Variants in ANO3 observed in about 807,000 individuals in gnomAD.
ANO3 encodes the protein anoctamin 3.
ANO3 carries 99 observed loss-of-function variants against 144.8 expected under a neutral mutation model. That is an observed-to-expected ratio of 0.68 (90% confidence interval 0.58 to 0.81). The LOEUF (loss-of-function observed/expected upper bound fraction) is 0.81. Among genes scored for constraint, ANO3 ranks in the 30% least tolerant of loss-of-function variants. ANO3 has a pLI of 0.00. For synonymous variants in ANO3, 414 were observed against 392.6 expected (o/e 1.05, Z -0.64); for missense variants, 905 against 1,202.2 (o/e 0.75, Z 3.66).
At chr11:26,317,353 A>G (rs531078098) in intron 1 of ANO3, among the ~76,000 whole-genome samples, 1 of 152,234 alleles carries the variant, frequency 6.6e-6, no homozygotes, top group South Asian at 2.1e-4. Context: ...AATTTTTGCA[A>G]TCTATCCATC....
chr11:26,365,605 G>A (rs763621549), intron 1 of ANO3, among the ~76,000 whole-genome samples: 8 of 152,122 alleles, frequency 5.3e-5, no homozygotes, highest in Non-Finnish European at 1.0e-4. Flanking sequence ...TAAAACCATG[G>A]GGAAGCCACC....
At chr11:26,576,337 TTAG>T (rs1283716976) in intron 14 of ANO3, among the ~76,000 whole-genome samples, 1 of 152,202 alleles carries the variant, frequency 6.6e-6, no homozygotes, top group Non-Finnish European at 1.5e-5. Context: ...TACTGGACAC[TTAG>T]TAGTCAAACT....
At chr11:26,265,362 C>G (rs1189942770) in intron 1 of ANO3, among the ~76,000 whole-genome samples, 3 of 152,150 alleles carry the variant, frequency 2.0e-5, no homozygotes, top group Non-Finnish European at 4.4e-5. Context: ...CTCAGAGCTC[C>G]TTGAGGACAA....
intron 1 of ANO3, chr11:26,286,123 C>A (rs1853801619): frequency 6.6e-6 from 1 of 152,056 alleles, no homozygotes; most frequent in Non-Finnish European, 1.5e-5. Flanking sequence ...TTATTGTCTT[C>A]CATATGAAAA....
chr11:26,510,785 G>A (rs2134142007), intron 5 of ANO3, among the ~76,000 whole-genome samples: 2 of 152,266 alleles, frequency 1.3e-5, no homozygotes, highest in African/African-American at 4.8e-5. Context: ...AGAAAGCTCA[G>A]ATTCTCAGTT....
intron 1 of ANO3, among the ~76,000 whole-genome samples, chr11:26,358,177 T>TA (rs1261203532): frequency 1.8e-4 from 26 of 147,454 alleles, no homozygotes; most frequent in South Asian, 1.6e-3. Context: ...CAACTTTTTT[T>TA]TTTTTTTTTT....
At chr11:26,305,866 G>A (rs540230599), upstream of ANO3, among the ~76,000 whole-genome samples, 65 of 152,184 alleles carry the variant, frequency 4.3e-4, no homozygotes, top group African/African-American at 1.4e-3. Context: ...TCCATTGATA[G>A]CTCTTCACTG....
intron 4 of ANO3, among the ~76,000 whole-genome samples, chr11:26,499,169 C>A (rs964408148): frequency 3.3e-5 from 5 of 151,832 alleles, no homozygotes; most frequent in Non-Finnish European, 7.4e-5. Flanking sequence ...ACGAATTTCG[C>A]AGTTATTTAT....
At chr11:26,459,832 T>C (rs1440976091) in intron 3 of ANO3, among the ~76,000 whole-genome samples, 2 of 152,064 alleles carry the variant, frequency 1.3e-5, no homozygotes, top group African/African-American at 2.4e-5. Context: ...ACTCCTAGGG[T>C]TTTAGCCTGT....
intron 4 of ANO3, among the ~76,000 whole-genome samples, chr11:26,507,237 C>A (rs1228152217): frequency 1.3e-5 from 2 of 152,104 alleles, no homozygotes; most frequent in Non-Finnish European, 1.5e-5. Context: ...AATAAGAATA[C>A]CACACGGATA....
chr11:26,457,621 C>T (rs1012850765), intron 3 of ANO3, among the ~76,000 whole-genome samples: 6 of 152,064 alleles, frequency 3.9e-5, no homozygotes, highest in Admixed American at 1.3e-4. Flanking sequence ...TAAAGTCTAA[C>T]GTTAAAAAAC....
At chr11:26,387,171 A>C (rs1054775421) in intron 1 of ANO3, among the ~76,000 whole-genome samples, 1 of 136,542 alleles carries the variant, frequency 7.3e-6, no homozygotes, top group South Asian at 2.3e-4. Flanking sequence ...ACAGGGTTTC[A>C]CCATGTTGGC....
chr11:26,440,638 G>A (rs1858478770), intron 1 of ANO3, among the ~76,000 whole-genome samples: 1 of 152,140 alleles, frequency 6.6e-6, no homozygotes, highest in South Asian at 2.1e-4. Flanking sequence ...AAGAAGTTGT[G>A]GAAGAGAAAA....
At chr11:26,239,878 T>G (rs1018834055) in intron 1 of ANO3, among the ~76,000 whole-genome samples, 4 of 152,236 alleles carry the variant, frequency 2.6e-5, no homozygotes, top group African/African-American at 9.6e-5. Context: ...GAGTTTTCAG[T>G]GACAGATTAC....
chr11:26,474,183 A>T, intron 4 of ANO3: 1 of 840,188 alleles, frequency 1.2e-6, no homozygotes, highest in Non-Finnish European at 1.4e-6. Context: ...CTATTTTCTT[A>T]AACATATGTA....
At chr11:26,306,012 G>T, upstream of ANO3, among the ~76,000 whole-genome samples, 1 of 152,010 alleles carries the variant, frequency 6.6e-6, no homozygotes, top group East Asian at 1.9e-4. Flanking sequence ...AGGCTGGAGT[G>T]CAGTGGCGCG....
chr11:26,315,131 T>A (rs959816027), intron 1 of ANO3, among the ~76,000 whole-genome samples: 2 of 152,014 alleles, frequency 1.3e-5, no homozygotes, highest in African/African-American at 4.8e-5. Flanking sequence ...GATGATTACA[T>A]CTATGTATGG....
chr11:26,529,947 C>T (rs991307896), intron 7 of ANO3, among the ~76,000 whole-genome samples: 2 of 152,130 alleles, frequency 1.3e-5, no homozygotes, highest in African/African-American at 4.8e-5. Flanking sequence ...GGTGTCTATG[C>T]TAAACCCGTT....
chr11:26,194,456 G>GTA (rs897945602), intron 1 of ANO3, among the ~76,000 whole-genome samples: 4 of 6,998 alleles, frequency 5.7e-4, no homozygotes, highest in African/African-American at 1.6e-3. Flanking sequence ...GTGTGTGTGT[G>GTA]TGTGTGTGTG....
Sources: gnomAD v4.1 joint callset for allele counts (sites outside exome capture counted in the v4.1 genomes callset) on GRCh38, gnomAD v4.1.1 for gene constraint, MANE v1.5 for transcripts, NCBI Gene and HGNC (gene_info 2026-07-23, HGNC 2026-07-21) for gene names.